Variants in DENND5A observed in about 807,000 individuals in gnomAD.
The protein encoded by DENND5A is DENN domain containing 5A, also known as DENN domain-containing protein 5A.
A neutral mutation model predicts 140.3 loss-of-function variants in DENND5A; 64 were observed. The ratio of observed to expected loss-of-function variants is 0.46; its 90% CI spans 0.37 to 0.56. The LOEUF (loss-of-function observed/expected upper bound fraction) is 0.56, where lower values mean the gene tolerates loss of function less well. Ranked by LOEUF, DENND5A falls within the 20% of genes least tolerant of loss-of-function variation. DENND5A has a pLI of 0.00. For missense variants in DENND5A, 1,292 were observed against 1,593.8 expected, an observed-to-expected ratio of 0.81 and a Z score of 3.22; for synonymous variants, 605 against 607.7, an observed-to-expected ratio of 1.00 and a Z score of 0.07.
At chr11:9,247,797 G>A (rs1851542993) in intron 1 of DENND5A, among the ~76,000 whole-genome samples, 1 of 152,106 alleles carries the variant, frequency 6.6e-6, no homozygotes, top group Non-Finnish European at 1.5e-5. Context: ...CTAGATCTGG[G>A]AAAGCCCTGT....
intron 4 of DENND5A, among the ~76,000 whole-genome samples, chr11:9,197,819 A>C (rs1371102931): frequency 6.6e-6 from 1 of 152,236 alleles, no homozygotes; most frequent in East Asian, 1.9e-4. Context: ...TCCAGCTACT[A>C]TATGAAGAAA....
Position 9,182,229 on chromosome 11 carries a change from T to C in DENND5A, c.1138-1145A>G, listed in dbSNP as rs185337923. On this transcript the variant is annotated intron_variant, in intron 5 of 22. Coordinates refer to ENST00000328194, the MANE Select transcript of DENND5A (RefSeq NM_015213.4). ...TACTCGGGAGGCTGAGGCAGAACAA[T>C]TGCTTGAACCCAGGAGGCAGAGGTT... Among the ~76,000 whole-genome samples the C allele has an allele frequency of 1.4e-4, 22 of 152,212 alleles. 1 individual carries two copies. In the East Asian group the frequency reaches 4.1e-3, roughly 28 times the overall value.
rs1166496945 is a variant in DENND5A at position 9,204,241 on chromosome 11, G to C, written c.368C>G (p.Thr123Arg). The C allele has an allele frequency of 6.2e-7, 1 of 1,614,058 alleles. No homozygotes were observed. The highest frequency in any genetic ancestry group is 2.2e-5 in the East Asian group (1 of 44,880). ...REPQFHAFII[T>R]REDGSRTFGF... ...AAATGTCCGAGAGCCATCCTCCCTT[G>C]TGATAATAAAGGCATGGAATTGGGG... Residue 123 changes from threonine to arginine, a missense_variant, in exon 4 of 23, where the codon ACA becomes AGA. Thr to Arg is a moderately conservative substitution (Grantham distance 71). Coordinates refer to ENST00000328194, the MANE Select transcript of DENND5A (RefSeq NM_015213.4).
rs1847569696 is a variant in DENND5A at position 9,150,207 on chromosome 11, T to C, written c.2609A>G (p.His870Arg). 6.2e-7 allele frequency: 1 copy of C among 1,613,492 alleles called. No individual in the cohort carries two copies. Among genetic ancestry groups the C allele is most frequent in the Non-Finnish European group, 8.5e-7 (1 of 1,179,716 alleles). Residue 870 changes from histidine to arginine, a missense_variant and splice_region_variant, in exon 15 of 23, where the codon CAC (histidine) becomes CGC (arginine). Physicochemically the swap from His to Arg is conservative, Grantham distance 29. Transcript: ENST00000328194. ...CTTGATTTCCCCGATGTTCTGGATGTGCCTGGAGGAAGAATGTAAAAAGGA... is the reference window on the plus strand; with the variant it reads ...CTTGATTTCCCCGATGTTCTGGATGCGCCTGGAGGAAGAATGTAAAAAGGA... The part of the protein sequence containing the change: ...LRISLIQDMR[H>R]IQNIGEIKTD...
At chr11:9,168,549 C>T (rs1444679593) in intron 10 of DENND5A, among the ~76,000 whole-genome samples, 1 of 151,772 alleles carries the variant, frequency 6.6e-6, no homozygotes, top group African/African-American at 2.4e-5. Context: ...ATAAACACTG[C>T]TGAAAATAGT....
intron 3 of DENND5A, among the ~76,000 whole-genome samples, chr11:9,204,889 T>C (rs1363942633): frequency 6.6e-6 from 1 of 152,040 alleles, no homozygotes; most frequent in Non-Finnish European, 1.5e-5. Flanking sequence ...GTTCATCAAG[T>C]ACACAAGGGA....
chr11:9,180,854 A>T lies in DENND5A; in HGVS notation c.1368T>A (p.Pro456=), dbSNP rs763647549. The change falls in exon 6 of 23, where the codon CCT becomes CCA. Residue 456 remains proline, a synonymous_variant. Transcript: ENST00000328194. ...CCTTAAGAAGCTCGTAGGAATGCAA[A>T]GGGGAGCCAGCAATGTTCCCATTCC... ...DKRNGNIAGS[P]LHSYELLKEN... 2 of 1,614,206 alleles carry T rather than the reference A, an allele frequency of 1.2e-6. No homozygotes were observed. The highest frequency in any genetic ancestry group is 4.5e-5 in the East Asian group (2 of 44,870).
At chr11:9,212,561 G>T (rs1849920737) in intron 1 of DENND5A, among the ~76,000 whole-genome samples, 1 of 151,640 alleles carries the variant, frequency 6.6e-6, no homozygotes, top group Non-Finnish European at 1.5e-5. Context: ...TCAAGGGGAA[G>T]AAACTGAAAT....
At chr11:9,151,186 C>T (rs889016837) in intron 13 of DENND5A, among the ~76,000 whole-genome samples, 2 of 152,180 alleles carry the variant, frequency 1.3e-5, no homozygotes, top group Non-Finnish European at 2.9e-5. Flanking sequence ...CCTGTTCTGG[C>T]TTCACAGCAG....
intron 10 of DENND5A, 104 bp from the exon 11 acceptor site, chr11:9,166,071 C>CTT: frequency 2.0e-6 from 2 of 1,011,070 alleles, no homozygotes; most frequent in Non-Finnish European, 2.9e-6. Flanking sequence ...CTCACATTTT[C>CTT]TTTTTTTTTC....
intron 1 of DENND5A, among the ~76,000 whole-genome samples, chr11:9,260,760 G>A (rs1006471689): frequency 3.3e-5 from 5 of 152,294 alleles, no homozygotes; most frequent in Admixed American, 6.5e-5. Flanking sequence ...GAAGTGACAG[G>A]AAGAGATTCC....
intron 8 of DENND5A, among the ~76,000 whole-genome samples, chr11:9,176,424 A>G (rs1380316406): frequency 6.6e-6 from 1 of 152,208 alleles, no homozygotes; most frequent in African/African-American, 2.4e-5. Flanking sequence ...ACACTACTTA[A>G]TCTAGTACTT....
chr11:9,145,287 G>T, intron 17 of DENND5A, 174 bp from the exon 18 acceptor site: 2 of 609,908 alleles, frequency 3.3e-6, no homozygotes, highest in Non-Finnish European at 5.8e-6. Flanking sequence ...TCTCATGGGG[G>T]TGCCCAAGGC....
chr11:9,191,090 AC>A (rs1186584474), intron 5 of DENND5A, among the ~76,000 whole-genome samples: 1 of 151,770 alleles, frequency 6.6e-6, no homozygotes, highest in Non-Finnish European at 1.5e-5. Context: ...CACTGTCACC[AC>A]TCCTTCCCAA....
chr11:9,165,272 T>C (rs1590223625), intron 11 of DENND5A, among the ~76,000 whole-genome samples: 1 of 152,180 alleles, frequency 6.6e-6, no homozygotes, highest in Admixed American at 6.5e-5. Context: ...AGTGCTGGGA[T>C]TACAGGTGTG....
At chr11:9,139,935 A>C (rs1847181521) in intron 22 of DENND5A, 81 bp from the exon 23 acceptor site, 2 of 1,395,478 alleles carry the variant, frequency 1.4e-6, no homozygotes, top group East Asian at 4.7e-5. Flanking sequence ...GCCAAGGGGG[A>C]AACCATGAAC....
intron 1 of DENND5A, among the ~76,000 whole-genome samples, chr11:9,224,629 G>C (rs1037037353): frequency 2.6e-5 from 4 of 152,100 alleles, no homozygotes; most frequent in African/African-American, 9.7e-5. Context: ...GGGAGGCTGA[G>C]GCAGGCAGAT....
Position 9,179,063 on chromosome 11 carries a change from C to T in DENND5A, c.1466G>A (p.Arg489His), listed in dbSNP as rs751089851. 7 of 1,613,834 alleles carry T rather than the reference C, an allele frequency of 4.3e-6. No homozygotes were observed. The highest frequency in any genetic ancestry group is 1.3e-5 in the African/African-American group (1 of 74,906). Residue 489 changes from arginine to histidine, a missense_variant, in exon 7 of 23, where the codon CGT becomes CAT. Transcript: ENST00000328194. Reference protein sequence around the residue: ...TGVSLEKLEVREDPSSNKDLK... With the variant: ...TGVSLEKLEVHEDPSSNKDLK... ...ATCCTTATTGCTGCTGGGGTCTTCACGCACTTCCAACTACAAAAAAAGAAA... is the reference window on the plus strand; with the variant it reads ...ATCCTTATTGCTGCTGGGGTCTTCATGCACTTCCAACTACAAAAAAAGAAA...
chr11:9,226,994 C>T (rs1483858519), intron 1 of DENND5A, among the ~76,000 whole-genome samples: 2 of 151,926 alleles, frequency 1.3e-5, no homozygotes, highest in East Asian at 3.9e-4. Flanking sequence ...CATGGAGAAA[C>T]CCTGTCTCTA....
Sources: allele counts gnomAD v4.1 joint callset (sites outside exome capture counted in the v4.1 genomes callset), GRCh38; gene constraint gnomAD v4.1.1; transcripts MANE v1.5; gene names NCBI Gene and HGNC (gene_info 2026-07-23, HGNC 2026-07-21).